The following GNAI1 variants were observed in gnomAD, a reference collection of about 807,000 sequenced individuals.
GNAI1 encodes guanine nucleotide-binding protein G(i) subunit alpha-1.
A neutral mutation model predicts 38.9 loss-of-function variants in GNAI1; 11 were observed. The ratio of observed to expected loss-of-function variants is 0.28; its 90% CI spans 0.18 to 0.47. The LOEUF is 0.47. GNAI1 is among the 20% of genes least tolerant of loss of function. The pLI is 0.99. For synonymous variants in GNAI1, 166 were observed against 145.1 expected, an observed-to-expected ratio of 1.14 and a Z score of -1.04; for missense variants, 317 against 436.9, an observed-to-expected ratio of 0.73 and a Z score of 2.45.
intron 1 of GNAI1, among the ~76,000 whole-genome samples, chr7:80,149,415 A>G (rs1787686506): frequency 6.6e-6 from 1 of 152,062 alleles, no homozygotes. Context: ...ATGTGTATAG[A>G]TATTCACCCC....
chr7:80,186,798 A>C (rs1053147110), intron 1 of GNAI1, among the ~76,000 whole-genome samples: 6 of 152,188 alleles, frequency 3.9e-5, no homozygotes, highest in African/African-American at 1.4e-4. Context: ...AGAAACCCAG[A>C]GTGGTTTATT....
At chr7:80,205,493 C>G (rs1788757891) in intron 5 of GNAI1, among the ~76,000 whole-genome samples, 1 of 151,974 alleles carries the variant, frequency 6.6e-6, no homozygotes, top group Non-Finnish European at 1.5e-5. Context: ...TGTTTATGAT[C>G]TGTTTTTTAA....
intron 1 of GNAI1, among the ~76,000 whole-genome samples, chr7:80,144,299 T>G (rs1455148331): frequency 6.6e-6 from 1 of 151,914 alleles, no homozygotes; most frequent in East Asian, 1.9e-4. Context: ...CAAAAGATGG[T>G]GCCATTTCTC....
chr7:80,160,776 A>G (rs1787910541), intron 1 of GNAI1, among the ~76,000 whole-genome samples: 1 of 152,202 alleles, frequency 6.6e-6, no homozygotes, highest in Non-Finnish European at 1.5e-5. Flanking sequence ...TTGGTAAAAC[A>G]ATTTGAGTAT....
At position 80,205,319 on chromosome 7, in the gene GNAI1, T is replaced by G. The variant is rs75974925; in HGVS notation, c.590+1487T>G. On this transcript the variant is annotated intron_variant, in intron 5 of 7. Coordinates refer to ENST00000649796, the MANE Select transcript of GNAI1 (RefSeq NM_002069.6). Reference sequence around the variant, plus strand: ...AGTTTAACAGATAGGGATATTTTTGTTTTTTTTTTAACCCAACAAGGTTAA... The same window carrying G: ...AGTTTAACAGATAGGGATATTTTTGGTTTTTTTTTAACCCAACAAGGTTAA... Among the ~76,000 whole-genome samples the G allele has an allele frequency of 4.1e-3, 597 of 145,136 alleles. 3 individuals are homozygous for G. Among genetic ancestry groups the G allele is most frequent in the African/African-American group, 0.014 (554 of 38,414 alleles).
intron 1 of GNAI1, among the ~76,000 whole-genome samples, chr7:80,186,885 G>C (rs1290586441): frequency 1.3e-5 from 2 of 152,224 alleles, no homozygotes; most frequent in African/African-American, 4.8e-5. Flanking sequence ...GTGTGAGCCA[G>C]AATGCCTGCC....
At chr7:80,189,847 C>G (rs531301829) in intron 3 of GNAI1, among the ~76,000 whole-genome samples, 1 of 152,242 alleles carries the variant, frequency 6.6e-6, no homozygotes, top group South Asian at 2.1e-4. Flanking sequence ...TCGTGGTAAC[C>G]AAGGCACTAT....
At chr7:80,193,374 T>TA (rs1788513818) in intron 3 of GNAI1, among the ~76,000 whole-genome samples, 2 of 152,184 alleles carry the variant, frequency 1.3e-5, no homozygotes, top group African/African-American at 2.4e-5. Context: ...ATTTGGCAGT[T>TA]ACCAGATTTT....
rs1788438929 is a variant in GNAI1, at chr7:80,189,235, A to G, written c.303+4A>G. 6.2e-7 allele frequency: 1 copy of G among 1,610,964 alleles called. No individual in the cohort carries two copies. The highest frequency in any genetic ancestry group is 1.3e-5 in the African/African-American group (1 of 74,672). ...CTTTGGTGACTCAGCCCGGGCGGTA[A>G]GTTATTAAATTTGTTGGAGCTGACC... On this transcript the variant is annotated splice_donor_region_variant and intron_variant, in intron 3 of 7. Coordinates refer to ENST00000649796, the MANE Select transcript of GNAI1 (RefSeq NM_002069.6).
intron 1 of GNAI1, among the ~76,000 whole-genome samples, chr7:80,186,840 A>G (rs546278789): frequency 6.6e-6 from 1 of 152,216 alleles, no homozygotes; most frequent in Non-Finnish European, 1.5e-5. Context: ...TGCCTAGGTT[A>G]TATTGCTTGG....
At chr7:80,138,436 A>G (rs1787464600) in intron 1 of GNAI1, among the ~76,000 whole-genome samples, 1 of 152,216 alleles carries the variant, frequency 6.6e-6, no homozygotes, top group Non-Finnish European at 1.5e-5. Context: ...TTTAGTTTTT[A>G]TGCTTATTAG....
At chr7:80,138,394 C>G (rs1787463448) in intron 1 of GNAI1, among the ~76,000 whole-genome samples, 1 of 152,138 alleles carries the variant, frequency 6.6e-6, no homozygotes, top group African/African-American at 2.4e-5. Context: ...CTAAGGAAAT[C>G]AGGCCAGAGT....
At chr7:80,142,273 G>C (rs1313296611) in intron 1 of GNAI1, among the ~76,000 whole-genome samples, 1 of 152,086 alleles carries the variant, frequency 6.6e-6, no homozygotes, top group Non-Finnish European at 1.5e-5. Flanking sequence ...CAAAATAATT[G>C]TAATTTTACA....
chr7:80,152,591 C>T (rs987336389), intron 1 of GNAI1, among the ~76,000 whole-genome samples: 6 of 105,548 alleles, frequency 5.7e-5, no homozygotes, highest in African/African-American at 1.5e-4. Flanking sequence ...GAAACGTAGT[C>T]TTGCTCTTGC....
At chr7:80,153,957 C>G (rs1787772506) in intron 1 of GNAI1, among the ~76,000 whole-genome samples, 1 of 152,268 alleles carries the variant, frequency 6.6e-6, no homozygotes, top group African/African-American at 2.4e-5. Flanking sequence ...CAGCCTCATT[C>G]TGTCACCCAG....
At chr7:80,168,396 A>G (rs1346499343) in intron 1 of GNAI1, among the ~76,000 whole-genome samples, 18 of 152,016 alleles carry the variant, frequency 1.2e-4, no homozygotes. Flanking sequence ...TTATTTATTT[A>G]TTTATTTTTG....
chr7:80,154,479 C>G (rs1471726178), intron 1 of GNAI1, among the ~76,000 whole-genome samples: 1 of 151,988 alleles, frequency 6.6e-6, no homozygotes, highest in Non-Finnish European at 1.5e-5. Context: ...GAAAGAGTGG[C>G]AGGAATGAGG....
At chr7:80,196,435 G>T (rs1278988289) in intron 3 of GNAI1, among the ~76,000 whole-genome samples, 1 of 151,708 alleles carries the variant, frequency 6.6e-6, no homozygotes, top group Non-Finnish European at 1.5e-5. Context: ...ACACTATTTT[G>T]GTACACTTAC....
Position 80,221,565 on chromosome 7 carries a change from G to A in GNAI1, c.*4072G>A, listed in dbSNP as rs1375374727. On this transcript the variant is annotated 3_prime_UTR_variant, in exon 8 of 8. Transcript: ENST00000649796. ...AAATGCAATCTCTAATCAACTTGAG[G>A]ACACTTCTGTCGTTTTAATGTAACC... Among the ~76,000 whole-genome samples the A allele has an allele frequency of 6.6e-6, 1 of 151,042 alleles. No individual in the cohort carries two copies.
Sources: allele counts gnomAD v4.1 joint callset (sites outside exome capture counted in the v4.1 genomes callset), GRCh38; gene constraint gnomAD v4.1.1; transcripts MANE v1.5; gene names NCBI Gene and HGNC (gene_info 2026-07-23, HGNC 2026-07-21).